The following GRM4 variants were observed in gnomAD, a reference collection of about 807,000 sequenced individuals.
GRM4 encodes the protein metabotropic glutamate receptor 4.
Under a neutral mutation model 81.7 loss-of-function variants are expected in GRM4, and 28 were observed. The observed-to-expected ratio is 0.34, with a 90% confidence interval of 0.25 to 0.47. The LOEUF (loss-of-function observed/expected upper bound fraction) is 0.47, where lower values mean the gene tolerates loss of function less well. Among genes scored for constraint, GRM4 ranks in the 20% least tolerant of loss-of-function variants. The probability of loss-of-function intolerance (pLI) is 1.00; values close to 1 mark genes in which losing one functional copy is unlikely to be tolerated. For missense variants in GRM4, 948 were observed against 1,290.0 expected (o/e 0.73, Z 4.06); for synonymous variants, 488 against 528.8 (o/e 0.92, Z 1.06).
intron 9 of GRM4, among the ~76,000 whole-genome samples, chr6:34,030,645 C>G (rs772389074): frequency 6.6e-6 from 1 of 152,204 alleles, no homozygotes; most frequent in Admixed American, 6.5e-5. Context: ...GGGGCCTGTG[C>G]CTAGCTCTCA....
Position 34,133,311 on chromosome 6 carries a change from T to C in GRM4, c.186A>G (p.Ser62=), listed in dbSNP as rs367842371. 3.1e-6 allele frequency: 5 copies of C among 1,613,988 alleles called. No individual in the cohort carries two copies. The African/African-American group carries it at 6.7e-5, about 22-fold the overall frequency. ...TAAGTTCTCCACAGGGCTTGCCCTC[T>C]GAGCCCCGGCCATGCACCGGGAACA... ...GGLFPVHGRG[S]EGKPCGELKK... Residue 62 remains serine, a synonymous_variant, in exon 2 of 11, where the codon TCA becomes TCG. Transcript: ENST00000538487. This position sits in a 1 kb window ranked among gnomAD's most constrained non-coding sequence, Gnocchi z 6.5.
chr6:34,029,232 G>A (rs137910241), intron 9 of GRM4, among the ~76,000 whole-genome samples: 5 of 152,294 alleles, frequency 3.3e-5, no homozygotes, highest in African/African-American at 1.2e-4. Flanking sequence ...CATGAAGGAA[G>A]CAGGAAATGC....
chr6:34,043,182 A>T (rs1765098624), intron 6 of GRM4, among the ~76,000 whole-genome samples: 1 of 152,122 alleles, frequency 6.6e-6, no homozygotes, highest in African/African-American at 2.4e-5. Flanking sequence ...GCTGCATTTG[A>T]CTTGGGTCGT....
In GRM4 at chr6:34,080,830, T is replaced by TCA. The variant is rs34475739; in HGVS notation, c.736+11051_736+11052dup. Among the ~76,000 whole-genome samples, 1,596 of 140,446 alleles carry TCA rather than the reference T, an allele frequency of 0.011. 13 individuals are homozygous for TCA. The highest frequency in any genetic ancestry group is 0.024 in the Middle Eastern group (7 of 286). The allele number at this position is 140,446 out of a possible 152,430, so 92.1% of individuals were successfully genotyped here. On this transcript the variant is annotated intron_variant, in intron 3 of 10. Transcript: ENST00000538487. The surrounding 1 kb of genome is among the most constrained non-coding windows in gnomAD (Gnocchi z 5.4). ...CACTTCTCTCTTCTCTCTCTCTCTC[T>TCA]CACACACACACACACATACACACAC...
intron 4 of GRM4, 32 bp downstream of exon 4, chr6:34,061,861 C>T: frequency 6.3e-7 from 1 of 1,597,302 alleles, no homozygotes; most frequent in Non-Finnish European, 8.6e-7. Flanking sequence ...TGCATGGCTC[C>T]CGGTGCCCAC....
chr6:34,040,362 G>A (rs1169464264), intron 7 of GRM4, 48 bp from the exon 8 acceptor site: 4 of 1,599,350 alleles, frequency 2.5e-6, no homozygotes, highest in East Asian at 2.2e-5. Context: ...CCAGAGGCAG[G>A]GCGGATGATG....
rs569068892 is a variant in GRM4, at chr6:34,133,047, C to G, written c.450G>C (p.Val150=). The G allele has an allele frequency of 1.9e-6, 3 of 1,614,034 alleles. No individual in the cohort carries two copies. The East Asian group carries it at 6.7e-5, about 36-fold the overall frequency. The change falls in exon 2 of 11, where the codon GTG becomes GTC. Residue 150 remains valine (V), a synonymous_variant. Transcript: ENST00000538487. This position sits in a 1 kb window ranked among gnomAD's most constrained non-coding sequence, Gnocchi z 6.5. ...TCCCTGAAGCACCGATGACACCCAC[C>G]ACACGTTCAGGCTTGGTGATGATGG... ...GPPIITKPER[V]VGVIGASGSS...
rs141302982 is a variant in GRM4, at chr6:34,036,436, C to A, written c.1674G>T (p.Lys558Asn). The A allele has an allele frequency of 3.1e-6, 5 of 1,613,552 alleles. No individual in the cohort carries two copies. Among genetic ancestry groups the A allele is most frequent in the Non-Finnish European group, 3.4e-6 (4 of 1,179,844 alleles). ...TGGGCCGCATGTCATAGGGACACGTCTTACAGGTGTAGCGGTCCACCTGGT... is the reference window on the plus strand; with the variant it reads ...TGGGCCGCATGTCATAGGGACACGTATTACAGGTGTAGCGGTCCACCTGGT... ...YQYQVDRYTC[K>N]TCPYDMRPTE... Residue 558 changes from lysine (K) to asparagine (N), a missense_variant, in exon 9 of 11, where the codon AAG (lysine) becomes AAT (asparagine). Transcript: ENST00000538487. This position sits in a 1 kb window ranked among gnomAD's most constrained non-coding sequence, Gnocchi z 9.0.
At chr6:34,032,380 A>C (rs910849445) in intron 9 of GRM4, among the ~76,000 whole-genome samples, 1 of 152,226 alleles carries the variant, frequency 6.6e-6, no homozygotes, top group South Asian at 2.1e-4. Flanking sequence ...AAACACACAC[A>C]CTTAGCAGCC....
At chr6:34,154,637 T>G (rs1186447812) in intron 1 of GRM4, among the ~76,000 whole-genome samples, 1 of 145,064 alleles carries the variant, frequency 6.9e-6, no homozygotes, top group African/African-American at 2.7e-5. Context: ...ACTCTTAGAC[T>G]TCAGGAAGCT....
At chr6:34,097,400 C>A (rs1768583600) in intron 2 of GRM4, among the ~76,000 whole-genome samples, 1 of 151,880 alleles carries the variant, frequency 6.6e-6, no homozygotes, top group African/African-American at 2.4e-5. Context: ...ATGGTGCATG[C>A]CTGTGTTTGT....
chr6:34,105,003 T>G (rs1300119294), intron 2 of GRM4, among the ~76,000 whole-genome samples: 2 of 152,116 alleles, frequency 1.3e-5, no homozygotes, highest in African/African-American at 2.4e-5. Context: ...CCAGGAGCAC[T>G]GAGTGCCAGC....
chr6:34,124,035 CA>C (rs1408810609), intron 2 of GRM4, among the ~76,000 whole-genome samples: 2 of 152,222 alleles, frequency 1.3e-5, no homozygotes, highest in Non-Finnish European at 2.9e-5. Flanking sequence ...TCCGTGGCTT[CA>C]CAAGGGCTGC....
rs1221324264 is a variant in GRM4 at position 34,065,304 on chromosome 6, A to C, written c.737-3276T>G. The stretch of plus-strand genomic sequence containing the variant: ...GGCCACACGACTAACACTCCCGCAG[A>C]CGCCTGCTTCTAACCTCTCCCCTAG... On this transcript the variant is annotated intron_variant, in intron 3 of 10. Transcript: ENST00000538487. 2.0e-5 allele frequency among the ~76,000 whole-genome samples: 3 copies of C among 152,062 alleles called. No homozygotes were observed. In the East Asian group the frequency reaches 5.8e-4, roughly 29 times the overall value.
chr6:34,076,727 G>A (rs1381754829), intron 3 of GRM4, among the ~76,000 whole-genome samples: 3 of 152,168 alleles, frequency 2.0e-5, no homozygotes, highest in Non-Finnish European at 4.4e-5. Context: ...GAAGCTGATG[G>A]ACAGATGCTG....
chr6:34,030,820 C>G (rs765784895), intron 9 of GRM4, among the ~76,000 whole-genome samples: 59 of 152,356 alleles, frequency 3.9e-4, no homozygotes, highest in Non-Finnish European at 7.5e-4. Context: ...AGCCTAGGAG[C>G]CTTTCTGCGA....
At chr6:34,128,966 G>T (rs1288975402) in intron 2 of GRM4, among the ~76,000 whole-genome samples, 1 of 152,162 alleles carries the variant, frequency 6.6e-6, no homozygotes, top group East Asian at 1.9e-4. Context: ...TTCCCTCTGG[G>T]GGTGTCTCCA....
At chr6:34,143,890 T>C in intron 1 of GRM4, among the ~76,000 whole-genome samples, 1 of 152,178 alleles carries the variant, frequency 6.6e-6, no homozygotes, top group Non-Finnish European at 1.5e-5. Flanking sequence ...GGGACTATGA[T>C]GGGAACATAC....
upstream of GRM4, among the ~76,000 whole-genome samples, chr6:34,147,726 T>C (rs1287242516): frequency 6.6e-6 from 1 of 152,180 alleles, no homozygotes; most frequent in Non-Finnish European, 1.5e-5. Flanking sequence ...GGGTTTCCTT[T>C]TTCTGATCTT....
Sources: gnomAD v4.1 joint callset for allele counts (sites outside exome capture counted in the v4.1 genomes callset) on GRCh38, gnomAD v4.1.1 for gene constraint, Gnocchi (gnomAD v3.1) non-coding constraint, MANE v1.5 for transcripts, NCBI Gene and HGNC (gene_info 2026-07-23, HGNC 2026-07-21) for gene names.